The following CREB5 variants were observed in gnomAD, a reference collection of about 807,000 sequenced individuals.
The protein encoded by CREB5 is cyclic AMP-responsive element-binding protein 5.
CREB5 carries 19 observed loss-of-function variants against 57.1 expected under a neutral mutation model. The observed-to-expected ratio is 0.33, with a 90% CI of 0.23 to 0.49. The LOEUF (loss-of-function observed/expected upper bound fraction) is 0.49, where lower values mean the gene tolerates loss of function less well. CREB5 is among the 20% of genes least tolerant of loss of function. CREB5 has a pLI of 0.99. For missense variants in CREB5, 579 were observed against 671.6 expected (o/e 0.86, Z 1.52); for synonymous variants, 238 against 238.3 (o/e 1.00, Z 0.01).
At chr7:28,711,061 C>T (rs1026603570) in intron 5 of CREB5, among the ~76,000 whole-genome samples, 2 of 152,070 alleles carry the variant, frequency 1.3e-5, no homozygotes, top group East Asian at 1.9e-4. Context: ...GAGCAATGAG[C>T]GAGAGAGGTG....
At chr7:28,345,745 T>C (rs190984583) in intron 1 of CREB5, among the ~76,000 whole-genome samples, 11 of 152,288 alleles carry the variant, frequency 7.2e-5, no homozygotes, top group Admixed American at 2.0e-4. Flanking sequence ...GAGCTGCTGA[T>C]GCCAGATGAA....
rs1175321185 is a variant in CREB5, at chr7:28,365,237, TC to T, written c.-25+65798del. 4.6e-5 allele frequency among the ~76,000 whole-genome samples: 7 copies of T among 152,296 alleles called. No individual in the cohort carries two copies. The South Asian group carries it at 1.5e-3, about 32-fold the overall frequency. On this transcript the variant is annotated intron_variant, in intron 1 of 9. Transcript: ENST00000396299. ...TTTGGACCATATCAAGATGGCCAAT[TC>T]CTTACCCCTACAACATTTTCCACTA...
intron 5 of CREB5, among the ~76,000 whole-genome samples, chr7:28,703,152 CAG>C (rs1801947999): frequency 6.6e-6 from 1 of 152,142 alleles, no homozygotes; most frequent in South Asian, 2.1e-4. Context: ...GGCTACAAGA[CAG>C]AGTTTGGATA....
At chr7:28,513,910 T>C (rs556914760) in intron 4 of CREB5, 3 of 152,268 alleles carry the variant, frequency 2.0e-5, no homozygotes, top group Non-Finnish European at 2.9e-5. Context: ...TCATTTTTGG[T>C]TTGTTTTTGG....
intron 4 of CREB5, among the ~76,000 whole-genome samples, chr7:28,509,896 C>T (rs755107431): frequency 1.2e-4 from 19 of 152,146 alleles, no homozygotes; most frequent in South Asian, 2.1e-4. Flanking sequence ...CTCACTTGCA[C>T]GCATGGGAAG....
At chr7:28,660,162 C>T (rs925879574) in intron 5 of CREB5, among the ~76,000 whole-genome samples, 1 of 152,118 alleles carries the variant, frequency 6.6e-6, no homozygotes, top group African/African-American at 2.4e-5. Context: ...GCTATGATAG[C>T]TTATAGCTTA....
At chr7:28,807,531 G>A (rs1808815799) in intron 8 of CREB5, among the ~76,000 whole-genome samples, 1 of 152,180 alleles carries the variant, frequency 6.6e-6, no homozygotes, top group African/African-American at 2.4e-5. Flanking sequence ...TTCTTTTACA[G>A]TTAGTCATAG....
chr7:28,560,969 T>C (rs376420860), intron 4 of CREB5, among the ~76,000 whole-genome samples: 2,812 of 24,364 alleles, frequency 0.12, 521 homozygotes, highest in African/African-American at 0.22. Context: ...TGCGTGTGTG[T>C]GTGCGTGTGT....
In CREB5 at chr7:28,542,331, T is replaced by C. The variant is rs148807075; in HGVS notation, c.292-28034T>C. 4.5e-4 allele frequency among the ~76,000 whole-genome samples: 69 copies of C among 152,340 alleles called. 1 individual carries two copies. In the East Asian group the frequency reaches 0.013, roughly 29 times the overall value. On this transcript the variant is annotated intron_variant, in intron 4 of 10. Coordinates refer to ENST00000357727, the MANE Select transcript of CREB5 (RefSeq NM_182898.4). ...ACTGTGCTATTTATTTTTAGATACC[T>C]TAAGTCGTTGTTCCTGCTTAATATG...
At chr7:28,352,980 A>T (rs1470450845) in intron 1 of CREB5, among the ~76,000 whole-genome samples, 1 of 152,172 alleles carries the variant, frequency 6.6e-6, no homozygotes, top group African/African-American at 2.4e-5. Flanking sequence ...TCTTAATAGG[A>T]CCCTGGAGTC....
At chr7:28,724,626 C>T in intron 7 of CREB5, 1 of 262,450 alleles carries the variant, frequency 3.8e-6, no homozygotes, top group Non-Finnish European at 7.3e-6. Context: ...TATATATTTG[C>T]TCAGCATGTG....
intron 1 of CREB5, among the ~76,000 whole-genome samples, chr7:28,371,880 G>T (rs982989546): frequency 1.3e-5 from 2 of 152,136 alleles, no homozygotes; most frequent in African/African-American, 4.8e-5. Flanking sequence ...TCCCAATCAT[G>T]GTTAAGTAAA....
intron 4 of CREB5, among the ~76,000 whole-genome samples, chr7:28,561,207 C>G (rs1423046454): frequency 6.6e-6 from 1 of 152,178 alleles, no homozygotes; most frequent in African/African-American, 2.4e-5. Flanking sequence ...CAGCAAACAT[C>G]TATGTGGTGG....
At chr7:28,353,507 A>T (rs897377903) in intron 1 of CREB5, among the ~76,000 whole-genome samples, 1 of 152,132 alleles carries the variant, frequency 6.6e-6, no homozygotes, top group African/African-American at 2.4e-5. Flanking sequence ...ATGTGCATAC[A>T]TATAAGATAA....
chr7:28,355,736 G>A (rs1238143757), intron 1 of CREB5, among the ~76,000 whole-genome samples: 2 of 152,132 alleles, frequency 1.3e-5, no homozygotes, highest in East Asian at 3.9e-4. Flanking sequence ...AAGCTAATCC[G>A]AATCGACTAC....
chr7:28,762,136 A>C (rs926757718), intron 7 of CREB5, among the ~76,000 whole-genome samples: 1 of 152,178 alleles, frequency 6.6e-6, no homozygotes, highest in South Asian at 2.1e-4. Context: ...GGCACAACCC[A>C]TATTTGTGTA....
chr7:28,505,404 G>A (rs1016768168), intron 3 of CREB5, among the ~76,000 whole-genome samples: 6 of 151,998 alleles, frequency 3.9e-5, no homozygotes, highest in African/African-American at 9.7e-5. Flanking sequence ...ATATTTCTTC[G>A]GGCTATGAAC....
intron 7 of CREB5, among the ~76,000 whole-genome samples, chr7:28,761,519 A>AAATC (rs1805651048): frequency 1.3e-5 from 2 of 152,230 alleles, no homozygotes; most frequent in Admixed American, 1.3e-4. Flanking sequence ...AACATGGCAT[A>AAATC]AATCCCCAAC....
At chr7:28,732,720 C>CTTT (rs35952532) in intron 7 of CREB5, among the ~76,000 whole-genome samples, 22,350 of 131,638 alleles carry the variant, frequency 0.17, 2,287 homozygotes, top group Middle Eastern at 0.24. Flanking sequence ...CTCTGTCTTG[C>CTTT]TTTTTTTTTT....
Sources: gnomAD v4.1 joint callset for allele counts (sites outside exome capture counted in the v4.1 genomes callset) on GRCh38, gnomAD v4.1.1 for gene constraint, MANE v1.5 for transcripts, NCBI Gene and HGNC (gene_info 2026-07-23, HGNC 2026-07-21) for gene names.